The following ANKHD1 variants were observed in gnomAD, a reference collection of about 807,000 sequenced individuals.
The protein encoded by ANKHD1 is ankyrin repeat and KH domain containing 1, also known as ankyrin repeat and KH domain-containing protein 1.
In ANKHD1, 31 loss-of-function variants were observed where a neutral mutation model predicts 230.5. The observed-to-expected ratio is 0.13, with a 90% CI of 0.10 to 0.18. ANKHD1 has a LOEUF of 0.18. Ranked by LOEUF, ANKHD1 falls within the 10% of genes least tolerant of loss-of-function variation. The pLI is 1.00. For synonymous variants in ANKHD1, 1,074 were observed against 1,117.6 expected (o/e 0.96, Z 0.78); for missense variants, 2,256 against 3,071.3 (o/e 0.73, Z 6.27).
At position 140,510,054 on chromosome 5, in the gene ANKHD1, A is replaced by G; in HGVS notation, c.3977A>G (p.Asn1326Ser). ...ATTGATGTTCGTAACAAAAAGGGAA[A>G]TACGCCACTTTGGCTGGCATCCAAT... ...AHIDVRNKKGNTPLWLASNGG... is the reference protein window; with the variant it reads ...AHIDVRNKKGSTPLWLASNGG... Residue 1326 changes from asparagine (N) to serine (S), a missense_variant, in exon 22 of 34, where the codon AAT becomes AGT. Physicochemically the swap from Asn to Ser is conservative, Grantham distance 46 (BLOSUM62 1). Around this residue, in one of 13 missense-constraint regions of ANKHD1, gnomAD observed 195 missense variants for 340.3 expected, o/e 0.57. Transcript: ENST00000360839. The G allele has an allele frequency of 6.2e-7, 1 of 1,614,044 alleles. No individual in the cohort carries two copies. The highest frequency in any genetic ancestry group is 8.5e-7 in the Non-Finnish European group (1 of 1,179,928).
intron 10 of ANKHD1, chr5:140,472,563 T>C (rs1776566240): frequency 1.8e-5 from 14 of 773,286 alleles, no homozygotes; most frequent in Non-Finnish European, 2.4e-5. Context: ...GGTAGTTCTT[T>C]TACATTCTCC....
chr5:140,500,395 C>G (rs1458056676), intron 15 of ANKHD1, among the ~76,000 whole-genome samples: 1 of 151,638 alleles, frequency 6.6e-6, no homozygotes. Flanking sequence ...GCCTGTAATC[C>G]CAGTACTTTG....
chr5:140,472,350 GT>G (rs917358103), intron 10 of ANKHD1: 2 of 1,601,574 alleles, frequency 1.2e-6, no homozygotes, highest in Non-Finnish European at 1.7e-6. Context: ...GATGTTGTAG[GT>G]AACCAGAACT....
chr5:140,502,370 T>G (rs970752622), intron 15 of ANKHD1, among the ~76,000 whole-genome samples: 1 of 152,220 alleles, frequency 6.6e-6, no homozygotes, highest in African/African-American at 2.4e-5. Context: ...CAAAAATGTT[T>G]AGTAATTATT....
intron 24 of ANKHD1, among the ~76,000 whole-genome samples, chr5:140,520,794 G>T (rs865843922): frequency 0.024 from 2,921 of 120,206 alleles, 101 homozygotes; most frequent in African/African-American, 0.087. Context: ...TGGGGGGGAG[G>T]GGGGAGGGAT....
rs1272088650 is a variant in ANKHD1 at position 140,526,998 on chromosome 5, C to G, written c.5011C>G (p.Pro1671Ala). 6.2e-7 allele frequency: 1 copy of G among 1,613,780 alleles called. No individual in the cohort carries two copies. The highest frequency in any genetic ancestry group is 8.5e-7 in the Non-Finnish European group (1 of 1,179,860). Residue 1671 changes from proline (P) to alanine (A), a missense_variant, in exon 27 of 34, where the codon CCA (proline) becomes GCA (alanine). Around this residue, in one of 13 missense-constraint regions of ANKHD1, gnomAD observed 212 missense variants for 257.3 expected, o/e 0.82. Coordinates refer to ENST00000360839, the MANE Select transcript of ANKHD1 (RefSeq NM_017747.3). ...YKTVSLPLSSPNIKLNLTSPK... is the reference protein window; with the variant it reads ...YKTVSLPLSSANIKLNLTSPK... ...GACAGTGTCATTGCCATTAAGCTCT[C>G]CAAACATAAAGCTGAATCTCACTAG...
At chr5:140,445,559 A>T (rs201569439) in intron 5 of ANKHD1, among the ~76,000 whole-genome samples, 183 bp from the exon 6 acceptor site, 2 of 151,578 alleles carry the variant, frequency 1.3e-5, no homozygotes, top group Non-Finnish European at 2.9e-5. Flanking sequence ...AACGAAAAAA[A>T]GTTGAGATAA....
chr5:140,533,775 C>CAAAAAAAAAAAAA (rs1167136822), intron 29 of ANKHD1, among the ~76,000 whole-genome samples: 1 of 29,662 alleles, frequency 3.4e-5, no homozygotes, highest in Non-Finnish European at 7.5e-5. Context: ...GACCCTGTCT[C>CAAAAAAAAAAAAA]AAAAAAAAAA....
Position 140,507,523 on chromosome 5 carries a change from T to G in ANKHD1, c.3552-262T>G, listed in dbSNP as rs1752591503. 6.6e-6 allele frequency among the ~76,000 whole-genome samples: 1 copy of G among 152,106 alleles called. No homozygotes were observed. The highest frequency in any genetic ancestry group is 1.5e-5 in the Non-Finnish European group (1 of 68,012). On this transcript the variant is annotated intron_variant, in intron 19 of 33. Transcript: ENST00000360839. The surrounding 1 kb of genome is among the most constrained non-coding windows in gnomAD (Gnocchi z 4.1). ...GGTTTCTCCATGTTGGTCAGGCTGGTCTCAAACTCCCGACCTCAGGTGATC... is the reference window on the plus strand; with the variant it reads ...GGTTTCTCCATGTTGGTCAGGCTGGGCTCAAACTCCCGACCTCAGGTGATC...
intron 8 of ANKHD1, 125 bp from the exon 9 acceptor site, chr5:140,459,030 TGCATTGATG>T: frequency 2.0e-5 from 3 of 146,784 alleles, no homozygotes; most frequent in Non-Finnish European, 2.4e-5. Context: ...ATATATATAT[TGCATTGATG>T]ATAAATTACC....
Position 140,527,212 on chromosome 5 carries a change from G to T in ANKHD1, c.5087+138G>T. 1 of 1,280,622 alleles carries T rather than the reference G, an allele frequency of 7.8e-7. No individual in the cohort carries two copies. Among genetic ancestry groups the T allele is most frequent in the Non-Finnish European group, 1.0e-6 (1 of 990,400 alleles). The allele number at this position is 1,280,622 out of a possible 1,614,324, so 79.3% of individuals were successfully genotyped here. A position where few individuals can be genotyped will look rare whatever the true frequency, so the allele number is the denominator to read the frequency against. ...CATTGCCACACTAAATCCAGAATAT[G>T]CTAAAGCAAAATTAGAAGCAGTATG... On this transcript the variant is annotated intron_variant, in intron 27 of 33. Coordinates refer to ENST00000360839, the MANE Select transcript of ANKHD1 (RefSeq NM_017747.3). This position sits in a 1 kb window ranked among gnomAD's most constrained non-coding sequence, Gnocchi z 4.5.
In ANKHD1 at chr5:140,435,277, TTTGTTGTTG is replaced by T. The variant is rs547185638; in HGVS notation, c.307-806_307-798del. Among the ~76,000 whole-genome samples, 23 of 151,686 alleles carry T rather than the reference TTTGTTGTTG, an allele frequency of 1.5e-4. 1 individual carries two copies. The highest frequency in any genetic ancestry group is 6.8e-3 in the Middle Eastern group (2 of 294). On this transcript the variant is annotated intron_variant, in intron 1 of 33. Coordinates refer to ENST00000360839, the MANE Select transcript of ANKHD1 (RefSeq NM_017747.3). ...TTAATGACCTATCTATGCTATCAAGTTTGTTGTTGTTGTTGTTGTTGTTGTTGTTTGTTC... is the reference window on the plus strand; with the variant it reads ...TTAATGACCTATCTATGCTATCAAGTTTGTTGTTGTTGTTGTTGTTTGTTC...
chr5:140,526,806 T>A, intron 26 of ANKHD1, 122 bp from the exon 27 acceptor site: 1 of 1,334,726 alleles, frequency 7.5e-7, no homozygotes, highest in South Asian at 2.0e-5. Context: ...ACTCATTGAT[T>A]ATTTGATGTG....
chr5:140,411,499 T>C (rs1770917592), intron 1 of ANKHD1, among the ~76,000 whole-genome samples: 1 of 148,984 alleles, frequency 6.7e-6, no homozygotes, highest in South Asian at 2.1e-4. Context: ...TTGGAAAAGT[T>C]TTTTTTTTTT....
chr5:140,518,779 C>T (rs1030110362), intron 24 of ANKHD1, among the ~76,000 whole-genome samples: 28 of 152,186 alleles, frequency 1.8e-4, no homozygotes, highest in African/African-American at 5.5e-4. Context: ...ATTGATGGGA[C>T]GTATCTCAAA....
chr5:140,431,352 A>G (rs534652507), intron 1 of ANKHD1, among the ~76,000 whole-genome samples: 1 of 152,378 alleles, frequency 6.6e-6, no homozygotes, highest in Admixed American at 6.5e-5. Context: ...CAAAAGTTCA[A>G]GTGAGTGCTG....
intron 8 of ANKHD1, 50 bp from the exon 9 acceptor site, chr5:140,459,114 T>G (rs1380603625): frequency 7.2e-7 from 1 of 1,390,508 alleles, no homozygotes; most frequent in Non-Finnish European, 9.4e-7. Flanking sequence ...ATTAATATCT[T>G]TATTATAAGT....
chr5:140,524,902 C>T lies in ANKHD1; in HGVS notation c.4492+662C>T, dbSNP rs1016146135. The T allele has an allele frequency of 5.2e-5, 13 of 251,458 alleles. No homozygotes were observed. The Admixed American group carries it at 5.6e-4, about 11-fold the overall frequency. The allele number at this position is 251,458 out of a possible 1,614,324, so 15.6% of individuals were successfully genotyped here. On this transcript the variant is annotated intron_variant, in intron 25 of 33. Coordinates refer to ENST00000360839, the MANE Select transcript of ANKHD1 (RefSeq NM_017747.3). ...GATCACGAGGTCAGGAGTTTGAGACCAGCCTGACCAATATGGTGAAACCCC... is the reference window on the plus strand; with the variant it reads ...GATCACGAGGTCAGGAGTTTGAGACTAGCCTGACCAATATGGTGAAACCCC...
At position 140,497,149 on chromosome 5, in the gene ANKHD1, C is replaced by A. The variant is rs753141841; in HGVS notation, c.2875C>A (p.Gln959Lys). 6.2e-7 allele frequency: 1 copy of A among 1,614,074 alleles called. No individual in the cohort carries two copies. Among genetic ancestry groups the A allele is most frequent in the South Asian group, 1.1e-5 (1 of 91,076 alleles). Residue 959 changes from glutamine (Q) to lysine (K), a missense_variant, in exon 15 of 34, where the codon CAG becomes AAG. Gln to Lys is a moderately conservative substitution (Grantham distance 53). Around this residue, in one of 13 missense-constraint regions of ANKHD1, gnomAD observed 358 missense variants for 397.7 expected, o/e 0.90. Transcript: ENST00000360839. Reference protein sequence around the residue: ...LELQKVSGNQQIVGQPQIAIT... With the variant: ...LELQKVSGNQKIVGQPQIAIT... ...ACTTCAGAAAGTATCAGGTAATCAG[C>A]AGATTGTAGGACAGCCTCAGATTGC...
Sources: gnomAD v4.1 joint callset for allele counts (sites outside exome capture counted in the v4.1 genomes callset) on GRCh38, gnomAD v4.1.1 for gene constraint, gnomAD v4.1.1 regional missense constraint, Gnocchi (gnomAD v3.1) non-coding constraint, MANE v1.5 for transcripts, NCBI Gene and HGNC (gene_info 2026-07-23, HGNC 2026-07-21) for gene names.